The following AKAP9 variants were observed in gnomAD, a reference collection of about 807,000 sequenced individuals.
The protein encoded by AKAP9 is A-kinase anchoring protein 9, also known as A-kinase anchor protein 9.
A neutral mutation model predicts 488.5 loss-of-function variants in AKAP9; 311 were observed. The ratio of observed to expected loss-of-function variants is 0.64; its 90% confidence interval spans 0.58 to 0.70. The LOEUF is 0.70. Among genes scored for constraint, AKAP9 ranks in the 30% least tolerant of loss-of-function variants. AKAP9 has a pLI of 0.00. For missense variants in AKAP9, 4,215 were observed against 4,374.5 expected (o/e 0.96, Z 1.03); for synonymous variants, 1,462 against 1,483.5 (o/e 0.99, Z 0.33).
chr7:92,015,080 A>T (rs1801320201), intron 10 of AKAP9, among the ~76,000 whole-genome samples: 2 of 152,178 alleles, frequency 1.3e-5, no homozygotes, highest in Non-Finnish European at 2.9e-5. Context: ...AATAAACTTA[A>T]TTATTAATTG....
At position 92,102,697 on chromosome 7, in the gene AKAP9, A is replaced by G; in HGVS notation, c.11201A>G (p.Asp3734Gly). Residue 3734 changes from aspartate to glycine, a missense_variant, in exon 46 of 50, where the codon GAT (aspartate) becomes GGT (glycine). Asp to Gly is a moderately conservative substitution (Grantham distance 94, BLOSUM62 -1). Coordinates refer to ENST00000356239, the MANE Select transcript of AKAP9 (RefSeq NM_005751.5). The part of the protein sequence containing the change: ...LLLGGFQECE[D>G]ATLALLARMG... ...CTGGGTGGGTTCCAGGAATGTGAAG[A>G]TGCCACCTTGGCCCTGCTTGCCCGG... is the stretch of plus-strand genomic sequence containing the variant. 1.2e-6 allele frequency: 2 copies of G among 1,614,244 alleles called. No individual in the cohort carries two copies. Among genetic ancestry groups the G allele is most frequent in the Non-Finnish European group, 1.7e-6 (2 of 1,180,042 alleles).
At chr7:92,015,429 A>G (rs901758654) in intron 10 of AKAP9, among the ~76,000 whole-genome samples, 3 of 150,904 alleles carry the variant, frequency 2.0e-5, no homozygotes, top group Non-Finnish European at 4.4e-5. Flanking sequence ...CAGTGGCACA[A>G]TCTCGGTTCA....
At chr7:92,044,730 A>G (rs1245297856) in intron 20 of AKAP9, among the ~76,000 whole-genome samples, 4 of 152,106 alleles carry the variant, frequency 2.6e-5, no homozygotes, top group African/African-American at 9.7e-5. Context: ...GACTTTAGTT[A>G]TTTTTTTCAA....
In AKAP9 at chr7:92,042,719, G is replaced by A; in HGVS notation, c.5110G>A (p.Glu1704Lys). The A allele has an allele frequency of 6.2e-7, 1 of 1,611,898 alleles. No homozygotes were observed. The highest frequency in any genetic ancestry group is 8.5e-7 in the Non-Finnish European group (1 of 1,178,662). The change falls in exon 20 of 50, where the codon GAA becomes AAA. Residue 1704 changes from glutamate (E) to lysine (K), a missense_variant. Transcript: ENST00000356239. ...TGAAGAACAAACATTTAAAGAAAAG[G>A]AATTAGACAGAAAACCTGAAGATGT... ...EVEEQTFKEK[E>K]LDRKPEDVPP...
chr7:92,071,282 G>C (rs1467661268), intron 28 of AKAP9, among the ~76,000 whole-genome samples: 1 of 151,580 alleles, frequency 6.6e-6, no homozygotes, highest in East Asian at 1.9e-4. Context: ...CAGTTTAGCA[G>C]GAGTGTAGAG....
In AKAP9 at chr7:91,992,923, A is replaced by G; in HGVS notation, c.444A>G (p.Gln148=). The part of the protein sequence containing the change: ...EFGVDDSYSE[Q]GAQDSPTHLE... Reference sequence around the variant, plus strand: ...GTGTTGATGATTCTTATTCTGAACAAGGAGCACAAGACAGTCCGACTCATC... The same window carrying G: ...GTGTTGATGATTCTTATTCTGAACAGGGAGCACAAGACAGTCCGACTCATC... The change falls in exon 5 of 50, where the codon CAA becomes CAG. Residue 148 remains glutamine, a synonymous_variant. Transcript: ENST00000356239. 1.9e-6 allele frequency: 3 copies of G among 1,614,082 alleles called. No individual in the cohort carries two copies. Among genetic ancestry groups the G allele is most frequent in the Non-Finnish European group, 2.5e-6 (3 of 1,179,982 alleles).
intron 3 of AKAP9, among the ~76,000 whole-genome samples, chr7:91,989,527 T>C (rs546523984): frequency 9.5e-4 from 144 of 152,184 alleles, no homozygotes; most frequent in African/African-American, 3.3e-3. Context: ...ACAGGCAATA[T>C]AGAGTCAAGA....
intron 28 of AKAP9, among the ~76,000 whole-genome samples, chr7:92,072,105 A>T (rs558155920): frequency 4.6e-5 from 7 of 152,300 alleles, no homozygotes; most frequent in African/African-American, 1.7e-4. Context: ...AGACCTTCTC[A>T]ACTGGACCCA....
chr7:92,078,428 C>T (rs538801620), intron 30 of AKAP9, among the ~76,000 whole-genome samples: 1 of 152,112 alleles, frequency 6.6e-6, no homozygotes, highest in Admixed American at 6.5e-5. Context: ...TCAAGACCAG[C>T]CTGGGCAACA....
intron 48 of AKAP9, 146 bp downstream of exon 48, chr7:92,107,568 G>A: frequency 2.5e-6 from 2 of 784,550 alleles, no homozygotes; most frequent in Non-Finnish European, 4.1e-6. Flanking sequence ...CAAGTGCGGT[G>A]GCTCACACCT....
chr7:92,080,364 C>T (rs532095588), intron 31 of AKAP9, among the ~76,000 whole-genome samples: 8 of 152,120 alleles, frequency 5.3e-5, no homozygotes, highest in East Asian at 1.9e-4. Context: ...TTTGGGAGGC[C>T]GAGGCGGGTG....
In AKAP9 at chr7:92,040,620, T is replaced by C. The variant is rs1025436185; in HGVS notation, c.4693-54T>C. 3.7e-6 allele frequency: 5 copies of C among 1,347,026 alleles called. No individual in the cohort carries two copies. The African/African-American group carries it at 7.4e-5, about 20-fold the overall frequency. The allele number at this position is 1,347,026 out of a possible 1,614,324, so 83.4% of individuals were successfully genotyped here. A position where few individuals can be genotyped will look rare whatever the true frequency, so the allele number is the denominator to read the frequency against. ...TTTACAATATTAATGCTGACAGATTTTTACAAAATGTGTTATGGTTGAATT... is the reference window on the plus strand; with the variant it reads ...TTTACAATATTAATGCTGACAGATTCTTACAAAATGTGTTATGGTTGAATT... On this transcript the variant is annotated intron_variant, in intron 17 of 49. Coordinates refer to ENST00000356239, the MANE Select transcript of AKAP9 (RefSeq NM_005751.5).
At chr7:91,950,495 G>T (rs1792093569) in intron 1 of AKAP9, among the ~76,000 whole-genome samples, 1 of 152,136 alleles carries the variant, frequency 6.6e-6, no homozygotes, top group South Asian at 2.1e-4. Context: ...CTCCCAAAGT[G>T]CTGGGATTAC....
intron 1 of AKAP9, among the ~76,000 whole-genome samples, chr7:91,953,248 A>G (rs1562887841): frequency 6.6e-6 from 1 of 152,226 alleles, no homozygotes; most frequent in African/African-American, 2.4e-5. Flanking sequence ...GTTACTACTA[A>G]GAAAAATGTG....
chr7:92,016,020 T>C (rs1478216052), intron 10 of AKAP9, 109 bp from the exon 11 acceptor site: 5 of 835,366 alleles, frequency 6.0e-6, no homozygotes, highest in Non-Finnish European at 9.6e-6. Flanking sequence ...TTCTTAATTA[T>C]TTTTGTGTGC....
intron 8 of AKAP9, among the ~76,000 whole-genome samples, chr7:92,008,483 C>T (rs1461789347): frequency 6.6e-6 from 1 of 151,788 alleles, no homozygotes; most frequent in Non-Finnish European, 1.5e-5. Context: ...GCCAGGAGAT[C>T]GAGACCATCC....
intron 16 of AKAP9, among the ~76,000 whole-genome samples, chr7:92,032,216 G>C (rs1804370781): frequency 6.6e-6 from 1 of 152,118 alleles, no homozygotes; most frequent in Admixed American, 6.5e-5. Context: ...ATTGGAACTG[G>C]CCGGGTGCAG....
At position 92,045,141 on chromosome 7, in the gene AKAP9, T is replaced by A; in HGVS notation, c.5296T>A (p.Ser1766Thr). The A allele has an allele frequency of 6.2e-7, 1 of 1,613,814 alleles. No homozygotes were observed. Residue 1766 changes from serine (S) to threonine (T), a missense_variant, in exon 21 of 50, where the codon TCT becomes ACT. Physicochemically the swap from Ser to Thr is moderately conservative, Grantham distance 58. Around this residue, in one of 5 missense-constraint regions of AKAP9, gnomAD observed 2,361 missense variants for 2,430.0 expected, o/e 0.97. Transcript: ENST00000356239. Reference protein sequence around the residue: ...ILDRSSKSQSSASLIWRSEAE... With the variant: ...ILDRSSKSQSTASLIWRSEAE... ...AGATAGATCTAGTAAAAGCCAGTCA[T>A]CTGCCAGCCTAATTTGGAGGTCAGA...
chr7:92,061,542 CT>C, intron 23 of AKAP9, 120 bp downstream of exon 23: 2 of 951,570 alleles, frequency 2.1e-6, no homozygotes, highest in South Asian at 3.0e-5. Flanking sequence ...TTAAAAAGTA[CT>C]TGTGGTTTAT....
Sources: gnomAD v4.1 joint callset for allele counts (sites outside exome capture counted in the v4.1 genomes callset) on GRCh38, gnomAD v4.1.1 for gene constraint, gnomAD v4.1.1 regional missense constraint, MANE v1.5 for transcripts, NCBI Gene and HGNC (gene_info 2026-07-23, HGNC 2026-07-21) for gene names.